The following SH3GL1 variants were observed in gnomAD, a reference collection of about 807,000 sequenced individuals.
SH3GL1 encodes the protein SH3 domain containing GRB2 like 1, endophilin A2.
Under a neutral mutation model 48.8 loss-of-function variants are expected in SH3GL1, and 21 were observed. The observed-to-expected ratio is 0.43, with a 90% CI of 0.30 to 0.62. SH3GL1 has a LOEUF of 0.62. Among genes scored for constraint, SH3GL1 ranks in the 20% least tolerant of loss-of-function variants. The probability of loss-of-function intolerance (pLI) is 0.11; values close to 1 mark genes in which losing one functional copy is unlikely to be tolerated. For missense variants in SH3GL1, 454 were observed against 503.0 expected, an observed-to-expected ratio of 0.90 and a Z score of 0.93; for synonymous variants, 282 against 217.5, an observed-to-expected ratio of 1.30 and a Z score of -2.61.
intron 4 of SH3GL1, 91 bp downstream of exon 4, chr19:4,365,391 C>T: frequency 6.4e-7 from 1 of 1,551,828 alleles, no homozygotes; most frequent in Admixed American, 1.7e-5. Context: ...GTCCCCGGCA[C>T]TCAGCACATG....
intron 1 of SH3GL1, among the ~76,000 whole-genome samples, chr19:4,386,272 G>A (rs1050726753): frequency 6.6e-6 from 1 of 152,124 alleles, no homozygotes; most frequent in East Asian, 1.9e-4. Context: ...AAGGGATTGC[G>A]GCGAGGGCGG....
In SH3GL1 at chr19:4,361,741, G is replaced by A. The variant is rs373251765; in HGVS notation, c.966C>T (p.Asp322=). ...CGCCCTCATGGAAGCCCAGCTCCCC[G>A]TCGTTCTCGGGCTCGAAGTCGTACA... ...KALYDFEPEN[D]GELGFHEGDV... Residue 322 remains aspartate, a synonymous_variant, in exon 10 of 10, where the codon GAC becomes GAT. Coordinates refer to ENST00000269886, the MANE Select transcript of SH3GL1 (RefSeq NM_003025.4). 17 of 1,612,714 alleles carry A rather than the reference G, an allele frequency of 1.1e-5. No individual in the cohort carries two copies. Among genetic ancestry groups the A allele is most frequent in the African/African-American group, 6.7e-5 (5 of 74,922 alleles).
Position 4,376,192 on chromosome 19 carries a change from C to T in SH3GL1, c.46-9198G>A, listed in dbSNP as rs1414864777. 6.6e-6 allele frequency among the ~76,000 whole-genome samples: 1 copy of T among 152,212 alleles called. No individual in the cohort carries two copies. The highest frequency in any genetic ancestry group is 2.4e-5 in the African/African-American group (1 of 41,452). ...TCCTGAGACACAGAAACCATCTTCA[C>T]CATCTCTAAGATCCCTTCCATTTCT... is the stretch of plus-strand genomic sequence containing the variant. On this transcript the variant is annotated intron_variant, in intron 1 of 9. Transcript: ENST00000269886. The surrounding 1 kb of genome is among the most constrained non-coding windows in gnomAD (Gnocchi z 4.3).
intron 1 of SH3GL1, among the ~76,000 whole-genome samples, chr19:4,377,232 T>G (rs1194615859): frequency 6.6e-6 from 1 of 152,198 alleles, no homozygotes; most frequent in Non-Finnish European, 1.5e-5. Context: ...CCGGGAACAG[T>G]GACAGGTCTG....
chr19:4,377,417 T>C (rs369229518), intron 1 of SH3GL1, among the ~76,000 whole-genome samples: 203 of 152,348 alleles, frequency 1.3e-3, no homozygotes, highest in South Asian at 5.4e-3. Flanking sequence ...CTCCTCTGCC[T>C]ATCTGGCACA....
intron 1 of SH3GL1, among the ~76,000 whole-genome samples, chr19:4,393,192 C>T (rs967756665): frequency 5.9e-5 from 9 of 152,004 alleles, no homozygotes; most frequent in Non-Finnish European, 1.3e-4. Context: ...ACCCAGGAGG[C>T]GGAGGTTGCA....
intron 1 of SH3GL1, among the ~76,000 whole-genome samples, chr19:4,384,928 A>T (rs1973207276): frequency 6.6e-6 from 1 of 152,104 alleles, no homozygotes; most frequent in Admixed American, 6.6e-5. Context: ...ACATGGTGAA[A>T]CCTTGTCCCT....
At chr19:4,399,219 C>G (rs1055862741) in intron 1 of SH3GL1, among the ~76,000 whole-genome samples, 2 of 147,120 alleles carry the variant, frequency 1.4e-5, no homozygotes, top group African/African-American at 5.1e-5. Context: ...ACTGGGGAGG[C>G]TGAGGCAGGA....
chr19:4,363,657 G>A, intron 6 of SH3GL1, 63 bp downstream of exon 6: 1 of 1,600,498 alleles, frequency 6.2e-7, no homozygotes, highest in Non-Finnish European at 8.5e-7. Flanking sequence ...GCTCCCTTGA[G>A]GCACCACCCC....
At chr19:4,399,479 C>T (rs569933630) in intron 1 of SH3GL1, among the ~76,000 whole-genome samples, 1 of 151,394 alleles carries the variant, frequency 6.6e-6, no homozygotes, top group South Asian at 2.1e-4. Flanking sequence ...AAGGAAGGAA[C>T]GAAGGGAGGG....
intron 1 of SH3GL1, among the ~76,000 whole-genome samples, chr19:4,373,627 A>T (rs1972946864): frequency 6.6e-6 from 1 of 152,172 alleles, no homozygotes. Flanking sequence ...TCTGGCAGCA[A>T]AAGGACAGTG....
chr19:4,364,007 T>G, intron 5 of SH3GL1, 81 bp downstream of exon 5: 1 of 1,605,450 alleles, frequency 6.2e-7, no homozygotes, highest in Middle Eastern at 2.3e-4. Flanking sequence ...GTGCCGAGGC[T>G]GGAGGTGAGG....
At chr19:4,373,051 G>A (rs999502616) in intron 1 of SH3GL1, among the ~76,000 whole-genome samples, 2 of 152,336 alleles carry the variant, frequency 1.3e-5, no homozygotes, top group South Asian at 2.1e-4. Flanking sequence ...CAGGGCATCC[G>A]CAGGTGAAAA....
At chr19:4,397,015 A>G (rs1469822146) in intron 1 of SH3GL1, among the ~76,000 whole-genome samples, 1 of 152,206 alleles carries the variant, frequency 6.6e-6, no homozygotes, top group African/African-American at 2.4e-5. Flanking sequence ...AGAACTCAAT[A>G]AATGTTTGTA....
At chr19:4,394,435 C>T (rs543553032) in intron 1 of SH3GL1, among the ~76,000 whole-genome samples, 7 of 152,254 alleles carry the variant, frequency 4.6e-5, no homozygotes, top group South Asian at 2.1e-4. Flanking sequence ...CCATGACGGA[C>T]GGCTTTTTAC....
rs943566558 is a variant in SH3GL1, at chr19:4,365,679, C to G, written c.188-54G>C. On this transcript the variant is annotated intron_variant, in intron 3 of 9. Coordinates refer to ENST00000269886, the MANE Select transcript of SH3GL1 (RefSeq NM_003025.4). The stretch of plus-strand genomic sequence containing the variant: ...GCTGTGAGGCCTGCACTCCTCTGCC[C>G]TGGCAGACTGCAGCCCCCACATCTC... The G allele has an allele frequency of 6.8e-6, 11 of 1,606,762 alleles. No individual in the cohort carries two copies. The Admixed American group carries it at 1.2e-4, about 17-fold the overall frequency.
chr19:4,383,924 C>T (rs1282738149), intron 1 of SH3GL1, among the ~76,000 whole-genome samples: 2 of 152,176 alleles, frequency 1.3e-5, no homozygotes, highest in South Asian at 2.1e-4. Flanking sequence ...TGTTTGACCT[C>T]GGCTAGGAAC....
At chr19:4,394,312 C>T (rs1366180055) in intron 1 of SH3GL1, among the ~76,000 whole-genome samples, 1 of 152,082 alleles carries the variant, frequency 6.6e-6, no homozygotes, top group Non-Finnish European at 1.5e-5. Flanking sequence ...CTCTCGCTAG[C>T]GGCATTCTTT....
chr19:4,365,394 A>G (rs1278385827), intron 4 of SH3GL1, 88 bp downstream of exon 4: 5 of 1,554,586 alleles, frequency 3.2e-6, no homozygotes, highest in Non-Finnish European at 4.4e-6. Flanking sequence ...CCCGGCACTC[A>G]GCACATGCAG....
Sources: gnomAD v4.1 joint callset for allele counts (sites outside exome capture counted in the v4.1 genomes callset) on GRCh38, gnomAD v4.1.1 for gene constraint, Gnocchi (gnomAD v3.1) non-coding constraint, MANE v1.5 for transcripts, NCBI Gene and HGNC (gene_info 2026-07-23, HGNC 2026-07-21) for gene names.